Variants in ANKS1B observed in about 807,000 individuals in gnomAD.
The protein encoded by ANKS1B is ankyrin repeat and sterile alpha motif domain containing 1B.
A neutral mutation model predicts 148.3 loss-of-function variants in ANKS1B; 36 were observed. The ratio of observed to expected loss-of-function variants is 0.24; its 90% confidence interval spans 0.19 to 0.32. The LOEUF is 0.32. Among genes scored for constraint, ANKS1B ranks in the 10% least tolerant of loss-of-function variants. The probability of loss-of-function intolerance (pLI) is 1.00; values close to 1 mark genes in which losing one functional copy is unlikely to be tolerated. For synonymous variants in ANKS1B, 542 were observed against 560.8 expected, an observed-to-expected ratio of 0.97 and a Z score of 0.47; for missense variants, 1,157 against 1,542.6, an observed-to-expected ratio of 0.75 and a Z score of 4.19.
At chr12:99,880,569 A>T (rs553881753) in intron 1 of ANKS1B, among the ~76,000 whole-genome samples, 114 of 152,218 alleles carry the variant, frequency 7.5e-4, no homozygotes, top group Non-Finnish European at 9.8e-4. Flanking sequence ...TTATTTCTCC[A>T]TTTAACTGCC....
At chr12:99,665,332 T>A (rs73387948) in intron 8 of ANKS1B, among the ~76,000 whole-genome samples, 1 of 152,204 alleles carries the variant, frequency 6.6e-6, no homozygotes, top group African/African-American at 2.4e-5. Context: ...TATGTAGTTA[T>A]CAAATGGTAT....
At chr12:99,261,006 G>A (rs1235732972) in intron 12 of ANKS1B, among the ~76,000 whole-genome samples, 2 of 152,112 alleles carry the variant, frequency 1.3e-5, no homozygotes, top group African/African-American at 2.4e-5. Context: ...AAAACTAAAT[G>A]CAATCAAATG....
At chr12:99,613,620 T>C (rs1281701932) in intron 9 of ANKS1B, among the ~76,000 whole-genome samples, 6 of 152,040 alleles carry the variant, frequency 3.9e-5, no homozygotes, top group African/African-American at 7.2e-5. Flanking sequence ...CTAAGTATTG[T>C]CTGTTCTCAC....
intron 12 of ANKS1B, among the ~76,000 whole-genome samples, chr12:99,284,902 T>C (rs2078930022): frequency 6.6e-6 from 1 of 152,200 alleles, no homozygotes; most frequent in Non-Finnish European, 1.5e-5. Flanking sequence ...TGTATGGTGC[T>C]TGTGTATGTT....
At chr12:99,128,053 G>C (rs1354896222) in intron 15 of ANKS1B, among the ~76,000 whole-genome samples, 1 of 152,114 alleles carries the variant, frequency 6.6e-6, no homozygotes, top group East Asian at 1.9e-4. Flanking sequence ...TAACTTCTTT[G>C]AATCAATTTC....
At chr12:99,834,767 G>C (rs1164216255) in intron 1 of ANKS1B, among the ~76,000 whole-genome samples, 2 of 152,022 alleles carry the variant, frequency 1.3e-5, no homozygotes, top group African/African-American at 2.4e-5. Flanking sequence ...ACATAAAACT[G>C]TTTCAGTTTT....
At chr12:98,841,696 A>C (rs1043860125) in intron 17 of ANKS1B, among the ~76,000 whole-genome samples, 1 of 152,188 alleles carries the variant, frequency 6.6e-6, no homozygotes, top group African/African-American at 2.4e-5. Flanking sequence ...TAAGGTTAAA[A>C]GAAAGTATTA....
intron 1 of ANKS1B, among the ~76,000 whole-genome samples, chr12:99,893,762 A>T (rs1231510840): frequency 6.6e-6 from 1 of 152,158 alleles, no homozygotes; most frequent in Non-Finnish European, 1.5e-5. Context: ...TTTCTGCGTT[A>T]ATTCACTTAG....
chr12:99,487,002 C>T (rs192456628), intron 10 of ANKS1B, among the ~76,000 whole-genome samples: 1 of 152,298 alleles, frequency 6.6e-6, no homozygotes, highest in African/African-American at 2.4e-5. Context: ...GGGGGAATGA[C>T]ATCTCCTTCT....
chr12:99,902,819 C>T (rs1028855889), intron 1 of ANKS1B, among the ~76,000 whole-genome samples: 5 of 150,792 alleles, frequency 3.3e-5, no homozygotes, highest in South Asian at 2.1e-4. Context: ...GGCACCATCT[C>T]GGCTCATTGC....
At chr12:99,728,144 A>T (rs528379521) in intron 8 of ANKS1B, among the ~76,000 whole-genome samples, 3 of 152,314 alleles carry the variant, frequency 2.0e-5, no homozygotes, top group Admixed American at 6.5e-5. Flanking sequence ...AGATCTAATT[A>T]AAGAGCTTCT....
At chr12:99,454,954 AAG>A (rs2095820983) in intron 10 of ANKS1B, among the ~76,000 whole-genome samples, 1 of 152,210 alleles carries the variant, frequency 6.6e-6, no homozygotes, top group Non-Finnish European at 1.5e-5. Flanking sequence ...GAAAGTAAAA[AAG>A]AAAGAAAATA....
chr12:99,710,471 G>T (rs2153535240), intron 8 of ANKS1B, among the ~76,000 whole-genome samples: 1 of 152,220 alleles, frequency 6.6e-6, no homozygotes, highest in Non-Finnish European at 1.5e-5. Flanking sequence ...TCCAGGCCAA[G>T]ACTTCACTGA....
intron 19 of ANKS1B, among the ~76,000 whole-genome samples, chr12:98,815,768 T>C (rs556237011): frequency 6.6e-6 from 1 of 152,318 alleles, no homozygotes; most frequent in Non-Finnish European, 1.5e-5. Flanking sequence ...AATCTACTTC[T>C]AAAATTTCAC....
At chr12:99,928,278 T>TTCA (rs2094524457) in intron 1 of ANKS1B, among the ~76,000 whole-genome samples, 1 of 148,120 alleles carries the variant, frequency 6.8e-6, no homozygotes, top group Admixed American at 6.7e-5. Context: ...TTTATTTTTT[T>TTCA]TTTTTTTTTT....
In ANKS1B at chr12:99,779,958, T is replaced by G. The variant is rs751433351; in HGVS notation, c.760A>C (p.Ile254Leu). ...ACAGTTCTACCTAAGCTATCCTTTA[T>G]GTTGGCATCAATTCCTGAAAGAAAA... Reference protein sequence around the residue: ...VLLETGIDANIKDSLGRTVLD... With the variant: ...VLLETGIDANLKDSLGRTVLD... Residue 254 changes from isoleucine to leucine, a missense_variant, in exon 6 of 27, where the codon ATA becomes CTA. Around this residue, in one of 6 missense-constraint regions of ANKS1B, gnomAD observed 26 missense variants for 83.4 expected, o/e 0.31. Coordinates refer to ENST00000683438, the MANE Select transcript of ANKS1B (RefSeq NM_001352186.2). The G allele has an allele frequency of 6.2e-7, 1 of 1,609,222 alleles. No homozygotes were observed. The highest frequency in any genetic ancestry group is 1.1e-5 in the South Asian group (1 of 89,894).
chr12:99,892,111 C>A (rs1195462706), intron 1 of ANKS1B, among the ~76,000 whole-genome samples: 1 of 152,196 alleles, frequency 6.6e-6, no homozygotes, highest in Non-Finnish European at 1.5e-5. Flanking sequence ...TCAAGCAATT[C>A]TCCTGCCTCA....
At chr12:99,879,686 T>C (rs2153735666) in intron 1 of ANKS1B, among the ~76,000 whole-genome samples, 1 of 152,216 alleles carries the variant, frequency 6.6e-6, no homozygotes, top group East Asian at 1.9e-4. Context: ...AATTTTCCTA[T>C]ACTACAGATG....
At chr12:99,010,820 T>C (rs1272116603) in intron 17 of ANKS1B, among the ~76,000 whole-genome samples, 1 of 150,842 alleles carries the variant, frequency 6.6e-6, no homozygotes, top group Non-Finnish European at 1.5e-5. Flanking sequence ...AGTGCGATCA[T>C]GGCTCACTGT....
Sources: allele counts gnomAD v4.1 joint callset (sites outside exome capture counted in the v4.1 genomes callset), GRCh38; gene constraint gnomAD v4.1.1; regional missense constraint gnomAD v4.1.1; transcripts MANE v1.5; gene names NCBI Gene and HGNC (gene_info 2026-07-23, HGNC 2026-07-21).